The following MFSD11 variants were observed in gnomAD, a reference collection of about 807,000 sequenced individuals.
MFSD11 encodes the protein UNC93-like protein MFSD11.
A neutral mutation model predicts 53.5 loss-of-function variants in MFSD11; 36 were observed. The observed-to-expected ratio is 0.67, with a 90% CI of 0.52 to 0.89. The LOEUF (loss-of-function observed/expected upper bound fraction) is 0.89, where lower values mean the gene tolerates loss of function less well. Ranked by LOEUF, MFSD11 falls within the 40% of genes least tolerant of loss-of-function variation. The pLI, the probability that MFSD11 is intolerant of heterozygous loss-of-function variation, is 0.00. For missense variants in MFSD11, 530 were observed against 543.9 expected, an observed-to-expected ratio of 0.97 and a Z score of 0.25; for synonymous variants, 186 against 184.9, an observed-to-expected ratio of 1.01 and a Z score of -0.05.
chr17:76,758,772 A>G (rs2079905515), intron 8 of MFSD11, among the ~76,000 whole-genome samples: 1 of 152,084 alleles, frequency 6.6e-6, no homozygotes, highest in African/African-American at 2.4e-5. Flanking sequence ...AATATGGAAA[A>G]AATTGTTACA....
intron 10 of MFSD11, among the ~76,000 whole-genome samples, chr17:76,772,063 G>A (rs1278644321): frequency 6.6e-6 from 1 of 151,948 alleles, no homozygotes; most frequent in East Asian, 1.9e-4. Context: ...AGACTACCTG[G>A]GAAGAAACTC....
downstream of MFSD11, among the ~76,000 whole-genome samples, chr17:76,780,724 C>T (rs1332878841): frequency 6.6e-6 from 1 of 152,040 alleles, no homozygotes; most frequent in Non-Finnish European, 1.5e-5. Context: ...CCATGTTGGT[C>T]AGGCTGGTCT....
chr17:76,769,882 A>G lies in MFSD11; in HGVS notation c.874+11A>G. 4 of 1,603,442 alleles carry G rather than the reference A, an allele frequency of 2.5e-6. No homozygotes were observed. The highest frequency in any genetic ancestry group is 3.4e-6 in the Non-Finnish European group (4 of 1,177,542). On this transcript the variant is annotated intron_variant, in intron 10 of 12. Coordinates refer to ENST00000685175, the MANE Select transcript of MFSD11 (RefSeq NM_001242532.5). ...TTGGAGAAATTTTAGGTTGGTTTTA[A>G]AAAAAAGCGTTTGCATTAAAAATAT...
At chr17:76,774,852 T>C (rs1273131685) in intron 10 of MFSD11, 145 bp from the exon 11 acceptor site, 1 of 735,028 alleles carries the variant, frequency 1.4e-6, no homozygotes, top group Non-Finnish European at 2.3e-6. Flanking sequence ...ATCATTATCA[T>C]TGTCTGCAAG....
chr17:76,755,146 G>T (rs2079438634), intron 8 of MFSD11, among the ~76,000 whole-genome samples: 1 of 152,060 alleles, frequency 6.6e-6, no homozygotes, highest in Non-Finnish European at 1.5e-5. Context: ...GAACCCAGGA[G>T]GTGGAGGTTG....
At chr17:76,797,965 C>T in the MFSD11 span, among the ~76,000 whole-genome samples, 1 of 151,988 alleles carries the variant, frequency 6.6e-6, no homozygotes, top group South Asian at 2.1e-4. Context: ...TTCACTGCAG[C>T]CTCAAACTCC....
downstream of MFSD11, among the ~76,000 whole-genome samples, chr17:76,782,465 G>A (rs138409422): frequency 0.072 from 9,237 of 128,926 alleles, 653 homozygotes; most frequent in East Asian, 0.39. Flanking sequence ...GTGAGCCACC[G>A]CGCCCAGGCT....
chr17:76,737,116 G>A (rs17849462), upstream of MFSD11: 352 of 1,607,998 alleles, frequency 2.2e-4, no homozygotes, highest in African/African-American at 4.2e-3. Context: ...CCACCTTGAG[G>A]GAGGTCATAC....
chr17:76,787,902 T>C, the MFSD11 span, among the ~76,000 whole-genome samples: 2 of 150,072 alleles, frequency 1.3e-5, no homozygotes, highest in Non-Finnish European at 3.0e-5. Context: ...AGCAATAAGA[T>C]ACCAAATTCC....
chr17:76,764,661 T>G (rs564114625), intron 8 of MFSD11, among the ~76,000 whole-genome samples: 11 of 152,072 alleles, frequency 7.2e-5, no homozygotes, highest in African/African-American at 2.7e-4. Flanking sequence ...ACTTAGTTGT[T>G]TCCATGTCTT....
chr17:76,798,453 C>T, the MFSD11 span, among the ~76,000 whole-genome samples: 17 of 152,298 alleles, frequency 1.1e-4, no homozygotes, highest in Middle Eastern at 6.8e-3. Context: ...AACGCCCAAC[C>T]TTCTAATCAC....
At chr17:76,794,884 C>T in the MFSD11 span, among the ~76,000 whole-genome samples, 14 of 150,674 alleles carry the variant, frequency 9.3e-5, no homozygotes, top group African/African-American at 2.9e-4. Context: ...TTAGTAGAGA[C>T]GGGGTTTCAC....
At chr17:76,759,739 G>A (rs1224500037) in intron 8 of MFSD11, among the ~76,000 whole-genome samples, 4 of 133,652 alleles carry the variant, frequency 3.0e-5, no homozygotes, top group African/African-American at 1.1e-4. Flanking sequence ...TTACAGGTGT[G>A]AGCCACCGTG....
rs540362667 is a variant in MFSD11 at position 76,758,149 on chromosome 17, A to G, written c.682+4062A>G. Reference sequence around the variant, plus strand: ...TCTAGAATCAAGCCCATGCTCATAGAGGAATATAGGATACAATAAAAGTGG... The same window carrying G: ...TCTAGAATCAAGCCCATGCTCATAGGGGAATATAGGATACAATAAAAGTGG... On this transcript the variant is annotated intron_variant, in intron 8 of 12. Coordinates refer to ENST00000685175, the MANE Select transcript of MFSD11 (RefSeq NM_001242532.5). 3.3e-5 allele frequency among the ~76,000 whole-genome samples: 5 copies of G among 152,348 alleles called. 1 individual carries two copies. The highest frequency in any genetic ancestry group is 9.6e-5 in the African/African-American group (4 of 41,578).
In MFSD11 at chr17:76,738,245, C is replaced by G. The variant is rs1367066896; in HGVS notation, c.-108C>G. The stretch of plus-strand genomic sequence containing the variant: ...CAGCTTGGCTGCCTGGCTCCTGCAT[C>G]TGCCTTCTCCACTCACCATCTCATT... On this transcript the variant is annotated 5_prime_UTR_variant, in exon 1 of 13. It adds an upstream start codon to the 5' untranslated region. Coordinates refer to ENST00000685175, the MANE Select transcript of MFSD11 (RefSeq NM_001242532.5). 1 of 723,772 alleles carries G rather than the reference C, an allele frequency of 1.4e-6. No individual in the cohort carries two copies. The highest frequency in any genetic ancestry group is 2.4e-6 in the Non-Finnish European group (1 of 418,746). The allele number at this position is 723,772 out of a possible 1,614,324, so 44.8% of individuals were successfully genotyped here. A position where few individuals can be genotyped will look rare whatever the true frequency, so the allele number is the denominator to read the frequency against.
intron 8 of MFSD11, among the ~76,000 whole-genome samples, chr17:76,763,047 A>G (rs2080445059): frequency 6.6e-6 from 1 of 152,052 alleles, no homozygotes; most frequent in Non-Finnish European, 1.5e-5. Context: ...AACTCCCCCA[A>G]TGGTAATACA....
chr17:76,739,822 A>T (rs2077879849), intron 2 of MFSD11, among the ~76,000 whole-genome samples: 1 of 152,122 alleles, frequency 6.6e-6, no homozygotes, highest in African/African-American at 2.4e-5. Context: ...CATTTTTGTA[A>T]GTGATTAGTA....
chr17:76,778,161 G>C (rs9889562), intron 12 of MFSD11, 27 bp from the exon 13 acceptor site: 6 of 1,613,362 alleles, frequency 3.7e-6, no homozygotes, highest in Non-Finnish European at 5.1e-6. Flanking sequence ...CGGTGCGCCC[G>C]TTGTGATTTG....
At position 76,755,842 on chromosome 17, in the gene MFSD11, A is replaced by G. The variant is rs1400779306; in HGVS notation, c.682+1755A>G. 1.7e-4 allele frequency among the ~76,000 whole-genome samples: 3 copies of G among 17,374 alleles called. No homozygotes were observed. In the East Asian group the frequency reaches 7.5e-3, roughly 43 times the overall value. 11.4% of individuals were successfully genotyped at this position (17,374 alleles called of 152,430 possible). On this transcript the variant is annotated intron_variant, in intron 8 of 12. Transcript: ENST00000685175. ...TTTTTTTTTTTTTTTTTTTTTTTTG[A>G]GATGGAGTTTTGCTCTTGTGGCCCA... is the stretch of plus-strand genomic sequence containing the variant.
Sources: allele counts gnomAD v4.1 joint callset (sites outside exome capture counted in the v4.1 genomes callset), GRCh38; gene constraint gnomAD v4.1.1; transcripts MANE v1.5; gene names NCBI Gene and HGNC (gene_info 2026-07-23, HGNC 2026-07-21).